The following PRKAR1B variants were observed in gnomAD, a reference collection of about 807,000 sequenced individuals.
PRKAR1B encodes protein kinase cAMP-dependent type I regulatory subunit beta.
A neutral mutation model predicts 46.5 loss-of-function variants in PRKAR1B; 22 were observed. The ratio of observed to expected loss-of-function variants is 0.47; its 90% CI spans 0.34 to 0.68. The LOEUF is 0.68. Among genes scored for constraint, PRKAR1B ranks in the 30% least tolerant of loss-of-function variants. PRKAR1B has a pLI of 0.01. For synonymous variants in PRKAR1B, 259 were observed against 217.7 expected, an observed-to-expected ratio of 1.19 and a Z score of -1.67; for missense variants, 445 against 535.6, an observed-to-expected ratio of 0.83 and a Z score of 1.67.
chr7:571,634 G>C (rs527585496), intron 9 of PRKAR1B, among the ~76,000 whole-genome samples: 2 of 152,354 alleles, frequency 1.3e-5, no homozygotes, highest in South Asian at 4.1e-4. Flanking sequence ...GGGAATTTCG[G>C]TCTCGGGATT....
At chr7:577,130 G>A (rs566832682) in intron 9 of PRKAR1B, among the ~76,000 whole-genome samples, 22 of 151,298 alleles carry the variant, frequency 1.5e-4, no homozygotes, top group South Asian at 8.5e-4. Flanking sequence ...CAGCGGCCCC[G>A]TCCAACTCCA....
At chr7:600,374 GCA>G (rs1373875493) in intron 6 of PRKAR1B, among the ~76,000 whole-genome samples, 1 of 152,158 alleles carries the variant, frequency 6.6e-6, no homozygotes, top group African/African-American at 2.4e-5. Flanking sequence ...ACGTGGTGGT[GCA>G]CAGTGGTAGT....
chr7:561,647 G>A (rs993572807), intron 9 of PRKAR1B, among the ~76,000 whole-genome samples: 2 of 152,186 alleles, frequency 1.3e-5, no homozygotes, highest in Non-Finnish European at 2.9e-5. Context: ...ACTGATGTAC[G>A]TCACACACCC....
At chr7:647,336 C>T (rs1784665749) in intron 4 of PRKAR1B, among the ~76,000 whole-genome samples, 1 of 152,168 alleles carries the variant, frequency 6.6e-6, no homozygotes, top group Non-Finnish European at 1.5e-5. Context: ...AAGCCAGCAT[C>T]ACCTGTGGCT....
At chr7:577,503 C>T (rs1377763926) in intron 9 of PRKAR1B, among the ~76,000 whole-genome samples, 2 of 152,160 alleles carry the variant, frequency 1.3e-5, no homozygotes, top group African/African-American at 4.8e-5. Context: ...CGGGAGCATA[C>T]GTGTAGCTCT....
chr7:560,145 T>C lies in PRKAR1B; in HGVS notation c.892-8675A>G, dbSNP rs1370162520. Among the ~76,000 whole-genome samples the C allele has an allele frequency of 6.6e-6, 1 of 152,126 alleles. No individual in the cohort carries two copies. The highest frequency in any genetic ancestry group is 1.5e-5 in the Non-Finnish European group (1 of 68,024). On this transcript the variant is annotated intron_variant, in intron 9 of 10. Transcript: ENST00000537384. The surrounding 1 kb of genome is among the most constrained non-coding windows in gnomAD (Gnocchi z 4.2). ...GACCCAGGGGGCGGTAACTGAATCA[T>C]GGCATGGGGTGACGGTTTTATAAGG...
chr7:709,645 C>G (rs1780519016), intron 2 of PRKAR1B, among the ~76,000 whole-genome samples: 1 of 152,276 alleles, frequency 6.6e-6, no homozygotes, highest in South Asian at 2.1e-4. Flanking sequence ...GCTGGGATTA[C>G]AGGCGTGAGC....
rs1562615830 is a variant in PRKAR1B, at chr7:685,327, CGTATATATACGTATATATATGT to C, written c.178-4623_178-4602del. Among the ~76,000 whole-genome samples the C allele has an allele frequency of 9.8e-5, 5 of 50,814 alleles. 1 individual carries two copies. Among genetic ancestry groups the C allele is most frequent in the Admixed American group, 1.9e-4 (1 of 5,132 alleles). The allele number at this position is 50,814 out of a possible 152,430, so 33.3% of individuals were successfully genotyped here. ...ATATACGTATATATACGTATATATA[CGTATATATACGTATATATATGT>C]ATACATATATATATACACATATATA... On this transcript the variant is annotated intron_variant, in intron 2 of 10. Coordinates refer to ENST00000537384, the MANE Select transcript of PRKAR1B (RefSeq NM_001164760.2).
chr7:553,313 C>G (rs1784367578), intron 9 of PRKAR1B, among the ~76,000 whole-genome samples: 1 of 152,234 alleles, frequency 6.6e-6, no homozygotes, highest in African/African-American at 2.4e-5. Context: ...GTCGCCGGCC[C>G]TGCACGCCGC....
chr7:590,303 G>A (rs887025245), intron 7 of PRKAR1B, among the ~76,000 whole-genome samples: 7 of 152,262 alleles, frequency 4.6e-5, no homozygotes, highest in South Asian at 2.1e-4. Context: ...GGCACGCACC[G>A]GTGAGGAGAA....
chr7:611,668 C>T (rs893266968), intron 4 of PRKAR1B, among the ~76,000 whole-genome samples: 6 of 152,240 alleles, frequency 3.9e-5, no homozygotes, highest in African/African-American at 7.2e-5. Context: ...CCGGGTCTGA[C>T]GCAGAAGCTC....
intron 4 of PRKAR1B, among the ~76,000 whole-genome samples, chr7:616,343 C>T (rs1384901719): frequency 2.0e-5 from 3 of 152,278 alleles, no homozygotes; most frequent in Admixed American, 6.5e-5. Context: ...CTTCCCCCTC[C>T]ACCTGCCCAG....
chr7:575,547 G>A (rs191957849), intron 9 of PRKAR1B, among the ~76,000 whole-genome samples: 1 of 151,838 alleles, frequency 6.6e-6, no homozygotes, highest in African/African-American at 2.4e-5. Flanking sequence ...TTTGTTTTTG[G>A]TTTTGGTTTT....
intron 4 of PRKAR1B, among the ~76,000 whole-genome samples, chr7:629,995 C>G (rs921699485): frequency 6.9e-6 from 1 of 145,390 alleles, no homozygotes; most frequent in African/African-American, 2.5e-5. Context: ...GCTGCAGGAG[C>G]GGGGCCACGG....
At chr7:662,179 A>T (rs1785618707) in intron 4 of PRKAR1B, among the ~76,000 whole-genome samples, 3 of 93,614 alleles carry the variant, frequency 3.2e-5, no homozygotes, top group South Asian at 5.9e-4. Flanking sequence ...ACAGATCCAA[A>T]TACCTACTCT....
In PRKAR1B at chr7:595,969, T is replaced by G. The variant is rs938572872; in HGVS notation, c.708+177A>C. 2.0e-5 allele frequency among the ~76,000 whole-genome samples: 3 copies of G among 152,316 alleles called. No homozygotes were observed. The East Asian group carries it at 5.8e-4, about 29-fold the overall frequency. ...GGGGCCTCCCCAGCCACCTGTCTTCTAAGAAGCTTCCAGAATCCCTCCACC... is the reference window on the plus strand; with the variant it reads ...GGGGCCTCCCCAGCCACCTGTCTTCGAAGAAGCTTCCAGAATCCCTCCACC... On this transcript the variant is annotated intron_variant, in intron 7 of 10. Coordinates refer to ENST00000537384, the MANE Select transcript of PRKAR1B (RefSeq NM_001164760.2).
intron 9 of PRKAR1B, 33 bp from the exon 10 acceptor site, chr7:551,503 G>C (rs78875126): frequency 6.5e-7 from 1 of 1,540,638 alleles, no homozygotes; most frequent in Non-Finnish European, 8.7e-7. Context: ...GTGAGTGCCA[G>C]CCAGGCGGGT....
chr7:631,205 A>T (rs1429204270), intron 4 of PRKAR1B, among the ~76,000 whole-genome samples: 1 of 152,074 alleles, frequency 6.6e-6, no homozygotes, highest in African/African-American at 2.4e-5. Context: ...CCCACCTTGA[A>T]CTCCCAAAGT....
chr7:680,636 C>G lies in PRKAR1B; in HGVS notation c.268G>C (p.Val90Leu). Residue 90 changes from valine to leucine, a missense_variant, in exon 3 of 11, where the codon GTG becomes CTG. Coordinates refer to ENST00000537384, the MANE Select transcript of PRKAR1B (RefSeq NM_001164760.2). ...CCTCGCCGGCGGCGGGCCTTCACCA[C>G]AGGGTTCGGGGGGGTGGGCGACACC... is the stretch of plus-strand genomic sequence containing the variant. ...EEVSPTPPNP[V>L]VKARRRRGGV... 1 of 1,613,302 alleles carries G rather than the reference C, an allele frequency of 6.2e-7. No homozygotes were observed.
Sources: allele counts gnomAD v4.1 joint callset (sites outside exome capture counted in the v4.1 genomes callset), GRCh38; gene constraint gnomAD v4.1.1; non-coding constraint Gnocchi (gnomAD v3.1); transcripts MANE v1.5; gene names NCBI Gene and HGNC (gene_info 2026-07-23, HGNC 2026-07-21).